Variants in CLMP observed in about 807,000 individuals in gnomAD.
CLMP encodes the protein CXADR-like membrane protein.
A neutral mutation model predicts 45.2 loss-of-function variants in CLMP; 27 were observed. The observed-to-expected ratio is 0.60, with a 90% CI of 0.44 to 0.82. The LOEUF (loss-of-function observed/expected upper bound fraction) is 0.82, where lower values mean the gene tolerates loss of function less well. Among genes scored for constraint, CLMP ranks in the 40% least tolerant of loss-of-function variants. The pLI is 0.00. For missense variants in CLMP, 403 were observed against 448.4 expected (o/e 0.90, Z 0.91); for synonymous variants, 167 against 171.4 (o/e 0.97, Z 0.20).
In CLMP at chr11:123,073,297, T is replaced by G. The variant is rs1865695153; in HGVS notation, c.*177A>C. ...TTACAGATGAATCAGCTTACATCCT[T>G]TTGCTTGTTTGGTATTGTATAAGGA... On this transcript the variant is annotated 3_prime_UTR_variant, in exon 7 of 7. Coordinates refer to ENST00000448775, the MANE Select transcript of CLMP (RefSeq NM_024769.5). The G allele has an allele frequency of 1.5e-6, 1 of 667,004 alleles. No individual in the cohort carries two copies. Among genetic ancestry groups the G allele is most frequent in the Non-Finnish European group, 2.5e-6 (1 of 406,532 alleles). The allele number at this position is 667,004 out of a possible 1,614,324, so 41.3% of individuals were successfully genotyped here. A position where few individuals can be genotyped will look rare whatever the true frequency, so the allele number is the denominator to read the frequency against.
intron 5 of CLMP, among the ~76,000 whole-genome samples, chr11:123,079,893 C>T (rs551894762): frequency 4.6e-5 from 7 of 152,300 alleles, no homozygotes; most frequent in African/African-American, 1.4e-4. Flanking sequence ...AAACAGATGA[C>T]CCCAGGAATT....
At chr11:123,136,766 A>G (rs752857906) in intron 1 of CLMP, among the ~76,000 whole-genome samples, 7 of 151,166 alleles carry the variant, frequency 4.6e-5, no homozygotes, top group Non-Finnish European at 1.0e-4. Flanking sequence ...GGGTGGTTTT[A>G]CCATGTTGGC....
intron 1 of CLMP, among the ~76,000 whole-genome samples, chr11:123,118,284 C>T (rs942587590): frequency 2.6e-5 from 4 of 152,138 alleles, no homozygotes; most frequent in Non-Finnish European, 5.9e-5. Flanking sequence ...CATGCACCAC[C>T]ATGCCTGGCT....
At chr11:123,099,756 A>G (rs953214481) in intron 1 of CLMP, among the ~76,000 whole-genome samples, 1 of 152,132 alleles carries the variant, frequency 6.6e-6, no homozygotes, top group Non-Finnish European at 1.5e-5. Context: ...AGAAATGTGG[A>G]AAAATAAAAC....
At chr11:123,185,749 C>T (rs1378923171) in intron 1 of CLMP, among the ~76,000 whole-genome samples, 1 of 152,220 alleles carries the variant, frequency 6.6e-6, no homozygotes, top group Non-Finnish European at 1.5e-5. Context: ...GAATCTGGGA[C>T]ACCAGTTTAG....
chr11:123,164,763 T>C (rs891867481), intron 1 of CLMP, among the ~76,000 whole-genome samples: 1 of 152,198 alleles, frequency 6.6e-6, no homozygotes, highest in African/African-American at 2.4e-5. Context: ...CTGTTCCCAG[T>C]CTGAACCTAG....
At chr11:123,152,563 T>TAAATAAATAAATAAAA (rs1199205471) in intron 1 of CLMP, among the ~76,000 whole-genome samples, 1 of 149,960 alleles carries the variant, frequency 6.7e-6, no homozygotes, top group Admixed American at 6.6e-5. Context: ...AATAAATAAA[T>TAAATAAATAAATAAAA]AAAAAATAAA....
chr11:123,112,338 CTT>C (rs544128953), intron 1 of CLMP, among the ~76,000 whole-genome samples: 16 of 137,526 alleles, frequency 1.2e-4, no homozygotes, highest in Non-Finnish European at 1.3e-4. Flanking sequence ...TTTTCTTTTT[CTT>C]TTTTTTTTTT....
At chr11:123,159,696 GT>G (rs921734568) in intron 1 of CLMP, among the ~76,000 whole-genome samples, 5 of 152,298 alleles carry the variant, frequency 3.3e-5, no homozygotes, top group African/African-American at 1.2e-4. Flanking sequence ...AGGAAGGGTG[GT>G]TTTTGGAGGA....
intron 1 of CLMP, among the ~76,000 whole-genome samples, chr11:123,102,727 T>TC (rs1001213287): frequency 1.4e-5 from 2 of 143,344 alleles, no homozygotes; most frequent in African/African-American, 5.2e-5. Flanking sequence ...TTTTTTTTTT[T>TC]TGTATTTTTA....
At chr11:123,190,060 C>T (rs1359934492) in intron 1 of CLMP, among the ~76,000 whole-genome samples, 7 of 151,820 alleles carry the variant, frequency 4.6e-5, no homozygotes, top group African/African-American at 9.7e-5. Flanking sequence ...ATACCGTAGC[C>T]CCTCTGCACT....
chr11:123,150,485 AAGGAAGGAAGG>A (rs1861309397), intron 1 of CLMP, among the ~76,000 whole-genome samples: 17 of 109,988 alleles, frequency 1.5e-4, no homozygotes, highest in African/African-American at 4.8e-4. Context: ...GAAAGAAAGG[AAGGAAGGAAGG>A]AAGGAAGGAA....
At chr11:123,161,138 C>T (rs1861482186) in intron 1 of CLMP, among the ~76,000 whole-genome samples, 1 of 152,176 alleles carries the variant, frequency 6.6e-6, no homozygotes, top group South Asian at 2.1e-4. Context: ...TACCAGGTGC[C>T]TACTACGTGC....
intron 1 of CLMP, among the ~76,000 whole-genome samples, chr11:123,186,126 G>A (rs2135550955): frequency 6.6e-6 from 1 of 152,306 alleles, no homozygotes; most frequent in South Asian, 2.1e-4. Flanking sequence ...TATTCAAGCT[G>A]TACAGCCTAG....
intron 1 of CLMP, among the ~76,000 whole-genome samples, chr11:123,110,502 C>A (rs1860623369): frequency 6.6e-6 from 1 of 151,746 alleles, no homozygotes; most frequent in Admixed American, 6.6e-5. Flanking sequence ...GCTTGTAATC[C>A]CAGCTACTAG....
chr11:123,100,351 A>G (rs1396157663), intron 1 of CLMP, among the ~76,000 whole-genome samples: 1 of 151,708 alleles, frequency 6.6e-6, no homozygotes, highest in East Asian at 1.9e-4. Flanking sequence ...ATTGCACTCC[A>G]GCCTGGGTGA....
intron 1 of CLMP, among the ~76,000 whole-genome samples, chr11:123,102,058 C>A (rs1021281203): frequency 5.9e-5 from 9 of 151,996 alleles, no homozygotes; most frequent in Non-Finnish European, 1.3e-4. Context: ...GGCGGCCCAG[C>A]CTGTAGTCCC....
chr11:123,081,291 A>G (rs1175300760), intron 5 of CLMP, among the ~76,000 whole-genome samples: 2 of 152,200 alleles, frequency 1.3e-5, no homozygotes, highest in Admixed American at 6.5e-5. Flanking sequence ...TGTAACAAAG[A>G]TTAATATCCA....
intron 1 of CLMP, among the ~76,000 whole-genome samples, chr11:123,121,273 G>A (rs780342598): frequency 2.2e-4 from 33 of 151,978 alleles, no homozygotes; most frequent in Admixed American, 6.6e-4. Context: ...TTACTCCAGA[G>A]AAAAATTCTT....
Sources: allele counts gnomAD v4.1 joint callset (sites outside exome capture counted in the v4.1 genomes callset), GRCh38; gene constraint gnomAD v4.1.1; transcripts MANE v1.5; gene names NCBI Gene and HGNC (gene_info 2026-07-23, HGNC 2026-07-21).